The following ST3GAL1 variants were observed in gnomAD, a reference collection of about 807,000 sequenced individuals.
The protein encoded by ST3GAL1 is CMP-N-acetylneuraminate-beta-galactosamide-alpha-2,3-sialyltransferase 1.
ST3GAL1 carries 16 observed loss-of-function variants against 34.1 expected under a neutral mutation model. The ratio of observed to expected loss-of-function variants is 0.47; its 90% confidence interval spans 0.32 to 0.71. The LOEUF (loss-of-function observed/expected upper bound fraction) is 0.71. Ranked by LOEUF, ST3GAL1 falls within the 30% of genes least tolerant of loss-of-function variation. The pLI is 0.04. For missense variants in ST3GAL1, 353 were observed against 447.4 expected, an observed-to-expected ratio of 0.79 and a Z score of 1.90; for synonymous variants, 191 against 184.7, an observed-to-expected ratio of 1.03 and a Z score of -0.28.
intron 1 of ST3GAL1, among the ~76,000 whole-genome samples, chr8:133,554,917 TG>T (rs1818964638): frequency 1.3e-5 from 2 of 151,796 alleles, no homozygotes; most frequent in African/African-American, 4.8e-5. Context: ...TTAGTAGAGG[TG>T]GGGTTTCACC....
At chr8:133,506,242 T>C (rs2131003515) in intron 2 of ST3GAL1, among the ~76,000 whole-genome samples, 1 of 152,288 alleles carries the variant, frequency 6.6e-6, no homozygotes, top group Middle Eastern at 3.4e-3. Flanking sequence ...AATAGGTTAT[T>C]ATACCTCACT....
chr8:133,464,696 C>G, intron 7 of ST3GAL1, 82 bp downstream of exon 7: 3 of 1,502,136 alleles, frequency 2.0e-6, no homozygotes, highest in African/African-American at 1.4e-5. Context: ...GGTGGAGGCA[C>G]AGCAGGACCA....
At chr8:133,511,981 A>G (rs1817510530) in intron 2 of ST3GAL1, among the ~76,000 whole-genome samples, 1 of 152,160 alleles carries the variant, frequency 6.6e-6, no homozygotes, top group African/African-American at 2.4e-5. Flanking sequence ...TGAACCCGGG[A>G]GGCAGAGGTT....
At chr8:133,551,327 G>A (rs542963477) in intron 1 of ST3GAL1, among the ~76,000 whole-genome samples, 52 of 152,114 alleles carry the variant, frequency 3.4e-4, no homozygotes, top group African/African-American at 1.1e-3. Context: ...AATTAGCTAG[G>A]TGTGATGGTG....
chr8:133,493,818 C>T (rs1816857673), intron 3 of ST3GAL1, among the ~76,000 whole-genome samples: 1 of 150,190 alleles, frequency 6.7e-6, no homozygotes, highest in Admixed American at 6.7e-5. Context: ...TGCACTCCAG[C>T]CTGGGCGACA....
rs151014044 is a variant in ST3GAL1, at chr8:133,504,123, C to T, written c.-428-4934G>A. Among the ~76,000 whole-genome samples, 494 of 152,220 alleles carry T rather than the reference C, an allele frequency of 3.2e-3. 2 individuals are homozygous for T. Among genetic ancestry groups the T allele is most frequent in the African/African-American group, 0.012 (484 of 41,534 alleles). ...CAGCATGGAAGGTGGGGAGGGAGGG[C>T]ATCTGGAGAGTCTGACTCCTCTCCC... On this transcript the variant is annotated intron_variant, in intron 2 of 9. Coordinates refer to ENST00000522652, the MANE Select transcript of ST3GAL1 (RefSeq NM_173344.3).
In ST3GAL1 at chr8:133,458,239, G is replaced by A. The variant is rs1815371839; in HGVS notation, c.*1525C>T. 6.6e-6 allele frequency: 1 copy of A among 152,168 alleles called. No homozygotes were observed. Among genetic ancestry groups the A allele is most frequent in the Non-Finnish European group, 1.5e-5 (1 of 68,056 alleles). 9.4% of individuals were successfully genotyped at this position (152,168 alleles called of 1,614,324 possible). A position where few individuals can be genotyped will look rare whatever the true frequency, so the allele number is the denominator to read the frequency against. On this transcript the variant is annotated 3_prime_UTR_variant, in exon 10 of 10. Coordinates refer to ENST00000522652, the MANE Select transcript of ST3GAL1 (RefSeq NM_173344.3). ...ACCTAATTTCCCAGCTACTGGGTGA[G>A]GCAAGCTTCATTAAAACACCAGGAC...
intron 1 of ST3GAL1, among the ~76,000 whole-genome samples, chr8:133,555,883 GTTTGTTTTGTTTTGC>G (rs1308513176): frequency 2.0e-4 from 30 of 151,942 alleles, no homozygotes; most frequent in Non-Finnish European, 2.1e-4. Context: ...GTTGTTGTTT[GTTTGTTTTGTTTTGC>G]TTTGTTTTGT....
intron 1 of ST3GAL1, among the ~76,000 whole-genome samples, chr8:133,561,059 A>G (rs187899280): frequency 6.6e-6 from 1 of 151,702 alleles, no homozygotes; most frequent in Non-Finnish European, 1.5e-5. Context: ...AATGCAATCA[A>G]CTGAAATTAT....
intron 2 of ST3GAL1, among the ~76,000 whole-genome samples, chr8:133,539,006 G>A (rs1818386965): frequency 2.0e-5 from 3 of 152,104 alleles, no homozygotes; most frequent in Non-Finnish European, 2.9e-5. Flanking sequence ...GAGGCTGTGG[G>A]GTGAAATCTA....
intron 2 of ST3GAL1, among the ~76,000 whole-genome samples, chr8:133,515,107 T>C (rs1435993894): frequency 1.3e-5 from 2 of 152,182 alleles, no homozygotes; most frequent in Non-Finnish European, 2.9e-5. Flanking sequence ...TGGACCTCTC[T>C]GCTCTCCCAT....
chr8:133,558,550 AT>A (rs1476544641), intron 1 of ST3GAL1, among the ~76,000 whole-genome samples: 3 of 152,198 alleles, frequency 2.0e-5, no homozygotes, highest in Non-Finnish European at 4.4e-5. Context: ...CTTTGACACT[AT>A]TTAAGTGTGC....
chr8:133,557,990 T>A (rs1819109333), intron 1 of ST3GAL1, among the ~76,000 whole-genome samples: 1 of 151,856 alleles, frequency 6.6e-6, no homozygotes, highest in Non-Finnish European at 1.5e-5. Context: ...GCCTCTGATG[T>A]CCAGTGATGA....
At chr8:133,557,384 C>T (rs184758577) in intron 1 of ST3GAL1, among the ~76,000 whole-genome samples, 14 of 152,252 alleles carry the variant, frequency 9.2e-5, no homozygotes, top group African/African-American at 2.9e-4. Context: ...TGCAGGAGGG[C>T]ACAGAAGGCA....
At chr8:133,527,742 A>C (rs935149863) in intron 2 of ST3GAL1, among the ~76,000 whole-genome samples, 8 of 152,144 alleles carry the variant, frequency 5.3e-5, no homozygotes, top group African/African-American at 1.4e-4. Flanking sequence ...GGAAGGAAAA[A>C]CAGCTTGCTT....
intron 3 of ST3GAL1, among the ~76,000 whole-genome samples, chr8:133,485,134 G>A (rs1459587664): frequency 6.8e-6 from 1 of 147,330 alleles, no homozygotes; most frequent in Non-Finnish European, 1.5e-5. Flanking sequence ...CTACAGGAGT[G>A]AGAGTTTGTT....
At chr8:133,497,130 C>T (rs1478025572) in intron 3 of ST3GAL1, among the ~76,000 whole-genome samples, 1 of 152,242 alleles carries the variant, frequency 6.6e-6, no homozygotes, top group Non-Finnish European at 1.5e-5. Context: ...TACCTGGGCC[C>T]TGTCTGCCTG....
rs547359270 is a variant in ST3GAL1 at position 133,524,672 on chromosome 8, G to A, written c.-429+21102C>T. ...CACAGCCAGGTACGCTGGTTGCTGCGACAGGATGGACAGCTCCGGGCACTG... is the reference window on the plus strand; with the variant it reads ...CACAGCCAGGTACGCTGGTTGCTGCAACAGGATGGACAGCTCCGGGCACTG... On this transcript the variant is annotated intron_variant, in intron 2 of 9. Coordinates refer to ENST00000522652, the MANE Select transcript of ST3GAL1 (RefSeq NM_173344.3). 1.8e-4 allele frequency among the ~76,000 whole-genome samples: 27 copies of A among 152,386 alleles called. No homozygotes were observed. The East Asian group carries it at 3.9e-3, about 22-fold the overall frequency.
At chr8:133,546,450 T>C (rs1466640988) in intron 1 of ST3GAL1, among the ~76,000 whole-genome samples, 9 of 139,280 alleles carry the variant, frequency 6.5e-5, no homozygotes, top group African/African-American at 2.5e-4. Flanking sequence ...GCCACTGCAC[T>C]CCAGCCAGGG....
Sources: gnomAD v4.1 joint callset for allele counts (sites outside exome capture counted in the v4.1 genomes callset) on GRCh38, gnomAD v4.1.1 for gene constraint, MANE v1.5 for transcripts, NCBI Gene and HGNC (gene_info 2026-07-23, HGNC 2026-07-21) for gene names.